WWOX: variants seen among roughly 807,000 people sequenced by gnomAD.
WWOX encodes WW domain containing oxidoreductase, also known as WW domain-containing oxidoreductase.
A neutral mutation model predicts 46.2 loss-of-function variants in WWOX; 69 were observed. The ratio of observed to expected loss-of-function variants is 1.49; its 90% CI spans 1.23 to 1.82. WWOX has a LOEUF of 1.82. WWOX is among the 40% of genes most tolerant of loss of function. The pLI is 0.00. For missense variants in WWOX, 919 were observed against 542.6 expected, an observed-to-expected ratio of 1.69 and a Z score of -6.89; for synonymous variants, 359 against 202.6, an observed-to-expected ratio of 1.77 and a Z score of -6.56.
At chr16:79,058,667 C>T (rs1024958126) in intron 8 of WWOX, among the ~76,000 whole-genome samples, 1 of 152,168 alleles carries the variant, frequency 6.6e-6, no homozygotes, top group Non-Finnish European at 1.5e-5. Flanking sequence ...TATAATCAAT[C>T]AACTAGTCCT....
intron 8 of WWOX, among the ~76,000 whole-genome samples, chr16:78,603,126 C>G (rs2045662946): frequency 6.6e-6 from 1 of 152,148 alleles, no homozygotes; most frequent in African/African-American, 2.4e-5. Context: ...CTCTTAAGCC[C>G]CCACTCTTGG....
intron 8 of WWOX, among the ~76,000 whole-genome samples, chr16:78,485,791 A>C (rs2151453995): frequency 6.6e-6 from 1 of 152,264 alleles, no homozygotes; most frequent in East Asian, 1.9e-4. Flanking sequence ...GGGGCTTCAT[A>C]CATTATTGAG....
At chr16:78,213,119 C>T (rs561631922) in intron 5 of WWOX, among the ~76,000 whole-genome samples, 4 of 151,900 alleles carry the variant, frequency 2.6e-5, no homozygotes, top group South Asian at 4.2e-4. Flanking sequence ...GGTATGGTGA[C>T]GTGCACCTGT....
At chr16:78,379,922 C>T (rs530723764) in intron 5 of WWOX, among the ~76,000 whole-genome samples, 15 of 152,184 alleles carry the variant, frequency 9.9e-5, no homozygotes, top group African/African-American at 2.4e-4. Flanking sequence ...TTTGAAGTGT[C>T]GGAAGGATGG....
chr16:78,966,481 C>T (rs188493046), intron 8 of WWOX, among the ~76,000 whole-genome samples: 238 of 152,054 alleles, frequency 1.6e-3, no homozygotes, highest in Admixed American at 2.4e-3. Context: ...TTTAAGATGG[C>T]TATAAATTCC....
At chr16:79,211,565 C>A (rs760182182) in intron 8 of WWOX, 43 bp from the exon 9 acceptor site, 1 of 1,613,652 alleles carries the variant, frequency 6.2e-7, no homozygotes, top group African/African-American at 1.3e-5. Context: ...CTCATCACTC[C>A]TTTTCTTAAA....
At chr16:78,887,435 G>C (rs2044488727) in intron 8 of WWOX, among the ~76,000 whole-genome samples, 1 of 148,758 alleles carries the variant, frequency 6.7e-6, no homozygotes, top group Admixed American at 6.8e-5. Flanking sequence ...TGAAAGTAAG[G>C]TGGGAAGGCA....
At chr16:79,082,706 G>A (rs2048783534) in intron 8 of WWOX, among the ~76,000 whole-genome samples, 1 of 152,202 alleles carries the variant, frequency 6.6e-6, no homozygotes. Flanking sequence ...CATCTGTGCA[G>A]TTCCCAGGGC....
chr16:78,185,562 G>A lies in WWOX; in HGVS notation c.516+21273G>A, dbSNP rs150847566. On this transcript the variant is annotated intron_variant, in intron 5 of 8. Transcript: ENST00000566780. ...AGCTTTAGATATATTACTTCCCAGG[G>A]TGGTGCATCCTGTCACCATGAAGTA... 1.8e-4 allele frequency among the ~76,000 whole-genome samples: 28 copies of A among 152,116 alleles called. No homozygotes were observed. The East Asian group carries it at 5.4e-3, about 29-fold the overall frequency.
At chr16:79,155,879 A>C (rs760952789) in intron 8 of WWOX, among the ~76,000 whole-genome samples, 13 of 150,626 alleles carry the variant, frequency 8.6e-5, no homozygotes, top group Non-Finnish European at 1.8e-4. Flanking sequence ...AAAGGGAGGG[A>C]GGAGGAATTC....
chr16:78,510,565 G>T (rs2085338488), intron 8 of WWOX, among the ~76,000 whole-genome samples: 1 of 152,142 alleles, frequency 6.6e-6, no homozygotes, highest in African/African-American at 2.4e-5. Flanking sequence ...ACATGTAACT[G>T]CACTTTCTCA....
At chr16:79,010,585 TA>T (rs1376727506) in intron 8 of WWOX, among the ~76,000 whole-genome samples, 4 of 151,754 alleles carry the variant, frequency 2.6e-5, no homozygotes, top group African/African-American at 7.3e-5. Context: ...AAATATATGA[TA>T]AATAACATAT....
chr16:78,995,263 G>A (rs1409464282), intron 8 of WWOX, among the ~76,000 whole-genome samples: 3 of 152,034 alleles, frequency 2.0e-5, no homozygotes, highest in Admixed American at 6.5e-5. Flanking sequence ...CTTTTAGCAG[G>A]AAAGGTGAAC....
intron 6 of WWOX, among the ~76,000 whole-genome samples, chr16:78,414,262 C>T (rs549144952): frequency 2.0e-5 from 3 of 152,288 alleles, no homozygotes; most frequent in South Asian, 2.1e-4. Context: ...TCTGCCTGCA[C>T]TCAGGTGATT....
chr16:78,130,765 G>C (rs1481023793), intron 4 of WWOX, among the ~76,000 whole-genome samples: 1 of 152,202 alleles, frequency 6.6e-6, no homozygotes, highest in Non-Finnish European at 1.5e-5. Flanking sequence ...TGACTACTGA[G>C]TACCAGGTGC....
chr16:78,773,547 A>G (rs1041763938), intron 8 of WWOX, among the ~76,000 whole-genome samples: 4 of 152,166 alleles, frequency 2.6e-5, no homozygotes, highest in Admixed American at 2.0e-4. Context: ...CGCTGTTACT[A>G]TTCTTAGACT....
chr16:78,215,927 A>G (rs898216164), intron 5 of WWOX, among the ~76,000 whole-genome samples: 1 of 152,002 alleles, frequency 6.6e-6, no homozygotes, highest in Admixed American at 6.6e-5. Flanking sequence ...AAAAAAAAAA[A>G]AGAGAAAGAA....
chr16:78,834,827 A>G (rs1392973206), intron 8 of WWOX, among the ~76,000 whole-genome samples: 1 of 152,230 alleles, frequency 6.6e-6, no homozygotes. Flanking sequence ...CAATATATAA[A>G]TATGAAGCTT....
At chr16:78,455,359 G>C (rs1165250637) in intron 8 of WWOX, among the ~76,000 whole-genome samples, 1 of 152,018 alleles carries the variant, frequency 6.6e-6, no homozygotes, top group Non-Finnish European at 1.5e-5. Flanking sequence ...AAAAAATCGA[G>C]GCTAGGTGTG....
Sources: allele counts gnomAD v4.1 joint callset (sites outside exome capture counted in the v4.1 genomes callset), GRCh38; gene constraint gnomAD v4.1.1; transcripts MANE v1.5; gene names NCBI Gene and HGNC (gene_info 2026-07-23, HGNC 2026-07-21).